PSPH: variants seen among roughly 807,000 people sequenced by gnomAD.
PSPH encodes the protein L-3-phosphoserine phosphatase.
In PSPH, 16 loss-of-function variants were observed where a neutral mutation model predicts 23.4. The ratio of observed to expected loss-of-function variants is 0.68; its 90% CI spans 0.46 to 1.04. PSPH has a LOEUF of 1.04. Ranked by LOEUF, PSPH falls within the 50% of genes least tolerant of loss-of-function variation. The probability of loss-of-function intolerance (pLI) is 0.00; values close to 1 mark genes in which losing one functional copy is unlikely to be tolerated. For synonymous variants in PSPH, 68 were observed against 99.7 expected (o/e 0.68, Z 1.89); for missense variants, 223 against 273.7 (o/e 0.81, Z 1.31).
chr7:56,026,574 G>A (rs1790222958), intron 3 of PSPH, among the ~76,000 whole-genome samples: 1 of 150,174 alleles, frequency 6.7e-6, no homozygotes, highest in African/African-American at 2.4e-5. Flanking sequence ...AGCCAAGACA[G>A]GTGATTGCTT....
intron 1 of PSPH, among the ~76,000 whole-genome samples, chr7:56,044,058 G>A (rs1431211789): frequency 2.0e-5 from 3 of 152,084 alleles, no homozygotes; most frequent in African/African-American, 7.2e-5. Context: ...GTAGGTTCAA[G>A]TGATTCTCCT....
intron 3 of PSPH, among the ~76,000 whole-genome samples, chr7:56,028,651 C>G (rs1790532480): frequency 6.6e-6 from 1 of 152,178 alleles, no homozygotes; most frequent in Middle Eastern, 3.4e-3. Flanking sequence ...ATGAAACGGT[C>G]AGGCCAGGGG....
intron 1 of PSPH, among the ~76,000 whole-genome samples, chr7:56,039,096 T>C (rs1011713462): frequency 6.7e-6 from 1 of 149,456 alleles, no homozygotes; most frequent in African/African-American, 2.5e-5. Flanking sequence ...GGCGGAGACC[T>C]GTGATCATGC....
At chr7:56,045,117 C>A (rs1347420615) in intron 1 of PSPH, among the ~76,000 whole-genome samples, 5 of 146,866 alleles carry the variant, frequency 3.4e-5, no homozygotes, top group African/African-American at 5.0e-5. Flanking sequence ...CATACTGATA[C>A]AAATTCATTC....
At chr7:56,025,286 TTTTTA>T (rs778046267) in intron 3 of PSPH, among the ~76,000 whole-genome samples, 2 of 151,720 alleles carry the variant, frequency 1.3e-5, no homozygotes, top group Non-Finnish European at 1.5e-5. Context: ...CACACATTTT[TTTTTA>T]TTTTGAGTTA....
intron 5 of PSPH, among the ~76,000 whole-genome samples, chr7:56,018,161 T>C (rs1320551314): frequency 4.0e-5 from 6 of 151,820 alleles, no homozygotes; most frequent in Admixed American, 3.9e-4. Context: ...CTGACCAAAA[T>C]AGTGAAACTC....
intron 1 of PSPH, among the ~76,000 whole-genome samples, chr7:56,044,085 T>C (rs1248911467): frequency 6.6e-6 from 1 of 152,048 alleles, no homozygotes; most frequent in Non-Finnish European, 1.5e-5. Context: ...GCCTCCCGTG[T>C]AGCTGGGAAT....
intron 1 of PSPH, among the ~76,000 whole-genome samples, chr7:56,041,615 T>C (rs1203968968): frequency 1.3e-5 from 2 of 151,826 alleles, no homozygotes; most frequent in Non-Finnish European, 2.9e-5. Context: ...AATTTGGACA[T>C]GGAGAGACAT....
intron 1 of PSPH, among the ~76,000 whole-genome samples, chr7:56,043,644 C>A (rs1792839488): frequency 6.8e-6 from 1 of 146,368 alleles, no homozygotes; most frequent in East Asian, 2.1e-4. Context: ...TGAGACCACC[C>A]CTCCCCCCAC....
chr7:56,031,689 T>A (rs1453927887), intron 3 of PSPH, among the ~76,000 whole-genome samples: 1 of 152,098 alleles, frequency 6.6e-6, no homozygotes, highest in African/African-American at 2.4e-5. Context: ...GGCCCACACC[T>A]GTAATCCCAA....
chr7:56,040,239 T>C (rs1165681114), intron 1 of PSPH, among the ~76,000 whole-genome samples: 1 of 152,180 alleles, frequency 6.6e-6, no homozygotes, highest in Non-Finnish European at 1.5e-5. Flanking sequence ...TATGTTCACA[T>C]GAATAAAGGA....
intron 3 of PSPH, among the ~76,000 whole-genome samples, chr7:56,029,280 T>G (rs187677827): frequency 6.6e-6 from 1 of 152,092 alleles, no homozygotes; most frequent in South Asian, 2.1e-4. Flanking sequence ...TGCCAGAGAA[T>G]GGACTCTGGA....
chr7:56,013,788 A>C (rs1214949563), intron 7 of PSPH, among the ~76,000 whole-genome samples: 1 of 152,054 alleles, frequency 6.6e-6, no homozygotes, highest in Non-Finnish European at 1.5e-5. Context: ...GTTACAGGTA[A>C]ATCATATAAT....
intron 1 of PSPH, among the ~76,000 whole-genome samples, chr7:56,044,104 G>A (rs1228258282): frequency 1.3e-5 from 2 of 151,926 alleles, no homozygotes; most frequent in Non-Finnish European, 2.9e-5. Flanking sequence ...ATACACGCCT[G>A]GCTAATTTTG....
intron 5 of PSPH, among the ~76,000 whole-genome samples, chr7:56,017,860 C>A (rs961747277): frequency 6.6e-6 from 1 of 151,712 alleles, no homozygotes; most frequent in African/African-American, 2.4e-5. Context: ...GTAGCTGGGA[C>A]AACAGATGCG....
intron 1 of PSPH, among the ~76,000 whole-genome samples, chr7:56,044,087 G>C (rs944681047): frequency 2.0e-5 from 3 of 152,004 alleles, no homozygotes; most frequent in Admixed American, 2.0e-4. Flanking sequence ...CTCCCGTGTA[G>C]CTGGGAATAC....
At chr7:56,047,852 G>C (rs939905691) in intron 1 of PSPH, among the ~76,000 whole-genome samples, 1 of 152,092 alleles carries the variant, frequency 6.6e-6, no homozygotes, top group Non-Finnish European at 1.5e-5. Flanking sequence ...ATTTTTAGTA[G>C]AGACGGTGTT....
chr7:56,029,986 A>G (rs1037436914), intron 3 of PSPH, among the ~76,000 whole-genome samples: 97 of 142,860 alleles, frequency 6.8e-4, no homozygotes, highest in Non-Finnish European at 1.3e-3. Context: ...CTCAAAAAAA[A>G]AAAAAGAAAA....
chr7:56,011,924 T>G, intron 7 of PSPH, 55 bp from the exon 8 acceptor site: 1 of 1,421,152 alleles, frequency 7.0e-7, no homozygotes. Flanking sequence ...ATTTATTTAT[T>G]TTTTGGAGTC....
Sources: allele counts gnomAD v4.1 joint callset (sites outside exome capture counted in the v4.1 genomes callset), GRCh38; gene constraint gnomAD v4.1.1; transcripts MANE v1.5; gene names NCBI Gene and HGNC (gene_info 2026-07-23, HGNC 2026-07-21).